CARM1: variants seen among roughly 807,000 people sequenced by gnomAD.
CARM1 encodes the protein histone-arginine methyltransferase CARM1.
Under a neutral mutation model 72.7 loss-of-function variants are expected in CARM1, and 14 were observed. That is an observed-to-expected ratio of 0.19 (90% CI 0.13 to 0.30). The LOEUF is 0.30. Among genes scored for constraint, CARM1 ranks in the 10% least tolerant of loss-of-function variants. The probability of loss-of-function intolerance (pLI) is 1.00; values close to 1 mark genes in which losing one functional copy is unlikely to be tolerated. For missense variants in CARM1, 432 were observed against 833.7 expected (o/e 0.52, Z 5.93); for synonymous variants, 333 against 345.5 (o/e 0.96, Z 0.40).
In CARM1 at chr19:10,920,110, CTG is replaced by C. The variant is rs1599711982; in HGVS notation, c.1196+146_1196+147del. On this transcript the variant is annotated intron_variant, in intron 10 of 15. Coordinates refer to ENST00000327064, the MANE Select transcript of CARM1 (RefSeq NM_199141.2). This position sits in a 1 kb window ranked among gnomAD's most constrained non-coding sequence, Gnocchi z 5.3. The stretch of plus-strand genomic sequence containing the variant: ...TGAGAGCCTGTCTCGGAGCAAGAGA[CTG>C]TTGTGGGTGGGGTGTGTGTGTGTGT... 3 of 685,346 alleles carry C rather than the reference CTG, an allele frequency of 4.4e-6. No individual in the cohort carries two copies. The highest frequency in any genetic ancestry group is 7.6e-6 in the Non-Finnish European group (3 of 396,248). 42.5% of individuals were successfully genotyped at this position (685,346 alleles called of 1,614,324 possible). A position where few individuals can be genotyped will look rare whatever the true frequency, so the allele number is the denominator to read the frequency against.
chr19:10,895,491 G>C (rs373014803), intron 1 of CARM1, among the ~76,000 whole-genome samples: 5 of 152,230 alleles, frequency 3.3e-5, no homozygotes, highest in African/African-American at 1.2e-4. Context: ...TGCTTGTTCC[G>C]TTGCTTTCTG....
chr19:10,913,468 G>A (rs940952748), intron 5 of CARM1, among the ~76,000 whole-genome samples: 1 of 151,926 alleles, frequency 6.6e-6, no homozygotes, highest in Non-Finnish European at 1.5e-5. Flanking sequence ...AACCCGGGAG[G>A]CAGAGGTTGC....
At position 10,908,162 on chromosome 19, in the gene CARM1, C is replaced by T. The variant is rs368094669; in HGVS notation, c.453+17C>T. ...TACTTCCAGGTGGGTTGTACTCCCC[C>T]TCAGCCAGGCCGCCTCCCCCCGGCA... On this transcript the variant is annotated intron_variant, in intron 3 of 15. Coordinates refer to ENST00000327064, the MANE Select transcript of CARM1 (RefSeq NM_199141.2). 9 of 1,562,024 alleles carry T rather than the reference C, an allele frequency of 5.8e-6. No homozygotes were observed. In the Admixed American group the frequency reaches 1.3e-4, roughly 23 times the overall value.
rs1013866039 is a variant in CARM1, at chr19:10,921,450, A to C, written c.1684+7A>C. The C allele has an allele frequency of 3.7e-5, 59 of 1,599,428 alleles. No individual in the cohort carries two copies. Among genetic ancestry groups the C allele is most frequent in the Non-Finnish European group, 4.6e-5 (54 of 1,172,494 alleles). ...AGCACGGGGATTGTCCAAGGTAACGAGGGTGGCGGGGGCAGGGCCCGTGGG... is the reference window on the plus strand; with the variant it reads ...AGCACGGGGATTGTCCAAGGTAACGCGGGTGGCGGGGGCAGGGCCCGTGGG... On this transcript the variant is annotated splice_region_variant and intron_variant, in intron 15 of 15. Coordinates refer to ENST00000327064, the MANE Select transcript of CARM1 (RefSeq NM_199141.2).
chr19:10,873,795 A>C (rs1204966184), intron 1 of CARM1, among the ~76,000 whole-genome samples: 1 of 151,476 alleles, frequency 6.6e-6, no homozygotes, highest in Non-Finnish European at 1.5e-5. Context: ...GCCTGCCGCC[A>C]TGCCCGGCTA....
At chr19:10,918,678 C>T (rs1215760304) in intron 8 of CARM1, among the ~76,000 whole-genome samples, 2 of 152,146 alleles carry the variant, frequency 1.3e-5, no homozygotes, top group Admixed American at 1.3e-4. Context: ...GACATCACAG[C>T]CCCTTGAATC....
At chr19:10,884,775 G>A (rs1424188053) in intron 1 of CARM1, among the ~76,000 whole-genome samples, 2 of 152,078 alleles carry the variant, frequency 1.3e-5, no homozygotes, top group Non-Finnish European at 2.9e-5. Context: ...CGTGATCTCA[G>A]CTCACTGCAA....
intron 1 of CARM1, among the ~76,000 whole-genome samples, chr19:10,874,540 G>T (rs2073848317): frequency 1.3e-5 from 2 of 151,778 alleles, no homozygotes; most frequent in Admixed American, 1.3e-4. Context: ...CCACAGGCAT[G>T]TGCCACACCC....
chr19:10,922,024 C>A lies in CARM1; in HGVS notation c.*267C>A. 3.1e-6 allele frequency: 1 copy of A among 325,472 alleles called. No individual in the cohort carries two copies. The allele number at this position is 325,472 out of a possible 1,614,324, so 20.2% of individuals were successfully genotyped here. On this transcript the variant is annotated 3_prime_UTR_variant, in exon 16 of 16. Coordinates refer to ENST00000327064, the MANE Select transcript of CARM1 (RefSeq NM_199141.2). The stretch of plus-strand genomic sequence containing the variant: ...TCGTCCCCCCTCCTGCCCGCTCTAC[C>A]CTGACCTGGGCTTGTCATCTGCTGG...
intron 5 of CARM1, among the ~76,000 whole-genome samples, 183 bp from the exon 6 acceptor site, chr19:10,913,694 C>T (rs576355470): frequency 2.0e-5 from 3 of 152,324 alleles, no homozygotes; most frequent in South Asian, 4.2e-4. Context: ...GCACCGTGCC[C>T]GGCCCACAGT....
rs1599695474 is a variant in CARM1 at position 10,896,094 on chromosome 19, C to T, written c.221-8857C>T. ...GAACCGTGGGGCGGTGTGAAGCAGG[C>T]GGGTTGTGTTAGACACTGTGCGGCT... On this transcript the variant is annotated intron_variant, in intron 1 of 15. Coordinates refer to ENST00000327064, the MANE Select transcript of CARM1 (RefSeq NM_199141.2). The surrounding 1 kb of genome is among the most constrained non-coding windows in gnomAD (Gnocchi z 5.2). 2.0e-5 allele frequency among the ~76,000 whole-genome samples: 3 copies of T among 151,926 alleles called. No individual in the cohort carries two copies. Among genetic ancestry groups the T allele is most frequent in the Non-Finnish European group, 2.9e-5 (2 of 67,966 alleles).
chr19:10,898,592 C>T (rs962404862), intron 1 of CARM1, among the ~76,000 whole-genome samples: 5 of 152,218 alleles, frequency 3.3e-5, no homozygotes, highest in African/African-American at 7.2e-5. Flanking sequence ...GCTGAATGGC[C>T]GCTTTGGGAG....
chr19:10,922,386 C>T lies in CARM1; in HGVS notation c.*629C>T, dbSNP rs2074269882. 6.5e-6 allele frequency: 1 copy of T among 152,672 alleles called. No homozygotes were observed. The highest frequency in any genetic ancestry group is 6.5e-5 in the Admixed American group (1 of 15,280). The allele number at this position is 152,672 out of a possible 1,614,324, so 9.5% of individuals were successfully genotyped here. A position where few individuals can be genotyped will look rare whatever the true frequency, so the allele number is the denominator to read the frequency against. On this transcript the variant is annotated 3_prime_UTR_variant, in exon 16 of 16. Coordinates refer to ENST00000327064, the MANE Select transcript of CARM1 (RefSeq NM_199141.2). ...GTTCACCTCACACTTGAATGTACAA[C>T]CCACCCCACTGTCGGGAAGGCCTCC...
chr19:10,894,287 C>T (rs928058499), intron 1 of CARM1, among the ~76,000 whole-genome samples: 2 of 152,206 alleles, frequency 1.3e-5, no homozygotes, highest in Admixed American at 6.5e-5. Context: ...TCTGGTTCAC[C>T]GCCAGGTCCT....
intron 4 of CARM1, among the ~76,000 whole-genome samples, chr19:10,910,993 C>T (rs1393446606): frequency 2.6e-5 from 4 of 152,096 alleles, no homozygotes; most frequent in Non-Finnish European, 5.9e-5. Flanking sequence ...TGGGTTCAAG[C>T]GATTTTTGTG....
rs1238494383 is a variant in CARM1, at chr19:10,920,142, GTA to G, written c.1196+178_1196+179del. On this transcript the variant is annotated intron_variant, in intron 10 of 15. Coordinates refer to ENST00000327064, the MANE Select transcript of CARM1 (RefSeq NM_199141.2). The surrounding 1 kb of genome is among the most constrained non-coding windows in gnomAD (Gnocchi z 5.3). Reference sequence around the variant, plus strand: ...GGGTGGGGTGTGTGTGTGTGTGTGTGTATGTGTGTGTGTGTCCTGTGTTCCCA... The same window carrying G: ...GGGTGGGGTGTGTGTGTGTGTGTGTGTGTGTGTGTGTGTCCTGTGTTCCCA... 3.1e-4 allele frequency among the ~76,000 whole-genome samples: 41 copies of G among 131,124 alleles called. No individual in the cohort carries two copies. In the East Asian group the frequency reaches 5.5e-3, roughly 18 times the overall value. 86.0% of individuals were successfully genotyped at this position (131,124 alleles called of 152,430 possible). A position where few individuals can be genotyped will look rare whatever the true frequency, so the allele number is the denominator to read the frequency against.
In CARM1 at chr19:10,920,774, G is replaced by A. The variant is rs1192889591; in HGVS notation, c.1424+26G>A. On this transcript the variant is annotated intron_variant, in intron 12 of 15. Coordinates refer to ENST00000327064, the MANE Select transcript of CARM1 (RefSeq NM_199141.2). The surrounding 1 kb of genome is among the most constrained non-coding windows in gnomAD (Gnocchi z 5.3). ...GTAGGAGGGGCCCCTTGCCTGCACAGGGGGGCGCCCCGGCCCTGCAACCCC... is the reference window on the plus strand; with the variant it reads ...GTAGGAGGGGCCCCTTGCCTGCACAAGGGGGCGCCCCGGCCCTGCAACCCC... 1.2e-6 allele frequency: 2 copies of A among 1,613,122 alleles called. No individual in the cohort carries two copies. Among genetic ancestry groups the A allele is most frequent in the Admixed American group, 1.7e-5 (1 of 59,992 alleles).
intron 6 of CARM1, among the ~76,000 whole-genome samples, chr19:10,914,802 C>T (rs1156447121): frequency 6.6e-6 from 1 of 152,142 alleles, no homozygotes; most frequent in African/African-American, 2.4e-5. Context: ...GTGATCTACC[C>T]GCCTCAGCCT....
In CARM1 at chr19:10,871,981, G is replaced by T; in HGVS notation, c.220+59G>T. The T allele has an allele frequency of 2.6e-6, 3 of 1,150,012 alleles. No homozygotes were observed. Among genetic ancestry groups the T allele is most frequent in the Non-Finnish European group, 2.1e-6 (2 of 932,282 alleles). 71.2% of individuals were successfully genotyped at this position (1,150,012 alleles called of 1,614,324 possible). On this transcript the variant is annotated intron_variant, in intron 1 of 15. Coordinates refer to ENST00000327064, the MANE Select transcript of CARM1 (RefSeq NM_199141.2). The surrounding 1 kb of genome is among the most constrained non-coding windows in gnomAD (Gnocchi z 5.6). ...GGGGCTGCTCACGAGGCCGGCCCGG[G>T]GCGGGGGCCGGCGGGGAGGGGCCCT...
Sources: gnomAD v4.1 joint callset for allele counts (sites outside exome capture counted in the v4.1 genomes callset) on GRCh38, gnomAD v4.1.1 for gene constraint, Gnocchi (gnomAD v3.1) non-coding constraint, MANE v1.5 for transcripts, NCBI Gene and HGNC (gene_info 2026-07-23, HGNC 2026-07-21) for gene names.